Variants in ASTN2 observed in about 807,000 individuals in gnomAD.
The protein encoded by ASTN2 is astrotactin-2.
Under a neutral mutation model 139.8 loss-of-function variants are expected in ASTN2, and 54 were observed. That is an observed-to-expected ratio of 0.39 (90% CI 0.31 to 0.48). The LOEUF is 0.48. Ranked by LOEUF, ASTN2 falls within the 20% of genes least tolerant of loss-of-function variation. The pLI is 0.95. For synonymous variants in ASTN2, 756 were observed against 719.5 expected (o/e 1.05, Z -0.81); for missense variants, 1,565 against 1,725.1 (o/e 0.91, Z 1.64).
chr9:117,200,366 C>T (rs1165416732), intron 3 of ASTN2, among the ~76,000 whole-genome samples: 1 of 152,012 alleles, frequency 6.6e-6, no homozygotes, highest in Non-Finnish European at 1.5e-5. Flanking sequence ...CTTTCTCTTG[C>T]CTGATTGTCC....
chr9:116,681,672 CAG>C (rs1291734333), intron 16 of ASTN2, among the ~76,000 whole-genome samples: 2 of 152,140 alleles, frequency 1.3e-5, no homozygotes, highest in African/African-American at 4.8e-5. Context: ...GGTACCAAAA[CAG>C]AGATATAGAT....
In ASTN2 at chr9:116,687,678, C is replaced by T. The variant is rs1397738628; in HGVS notation, c.2807-35885G>A. ...CGGGAGGTATGAGGTAATGTCGGGGCCCTGAGGAGGAACGGGGTGTAGCAT... is the reference window on the plus strand; with the variant it reads ...CGGGAGGTATGAGGTAATGTCGGGGTCCTGAGGAGGAACGGGGTGTAGCAT... On this transcript the variant is annotated intron_variant, in intron 16 of 22. Transcript: ENST00000313400. Among the ~76,000 whole-genome samples the T allele has an allele frequency of 2.0e-5, 3 of 151,606 alleles. No individual in the cohort carries two copies. In the East Asian group the frequency reaches 5.9e-4, roughly 30 times the overall value.
intron 5 of ASTN2, among the ~76,000 whole-genome samples, chr9:117,057,949 C>A (rs1839110340): frequency 6.6e-6 from 1 of 152,130 alleles, no homozygotes; most frequent in Non-Finnish European, 1.5e-5. Flanking sequence ...GCACTCCCTC[C>A]CACCTCTCTT....
intron 1 of ASTN2, among the ~76,000 whole-genome samples, chr9:117,318,755 C>A (rs1034677673): frequency 1.3e-5 from 2 of 152,178 alleles, no homozygotes; most frequent in African/African-American, 4.8e-5. Context: ...CAAGCAGGTA[C>A]ACGTCTCAGT....
At chr9:116,881,547 T>A (rs986873398) in intron 10 of ASTN2, among the ~76,000 whole-genome samples, 2 of 152,314 alleles carry the variant, frequency 1.3e-5, no homozygotes, top group South Asian at 4.1e-4. Flanking sequence ...AAAACAAAAA[T>A]GATAAGCCAC....
At chr9:117,330,439 T>C (rs1310407889) in intron 1 of ASTN2, among the ~76,000 whole-genome samples, 1 of 152,178 alleles carries the variant, frequency 6.6e-6, no homozygotes, top group Non-Finnish European at 1.5e-5. Flanking sequence ...AGCATTGGTT[T>C]GTGATCTCCA....
intron 2 of ASTN2, among the ~76,000 whole-genome samples, chr9:117,289,664 A>G (rs1241397533): frequency 2.0e-5 from 3 of 152,288 alleles, no homozygotes; most frequent in Admixed American, 6.5e-5. Flanking sequence ...GCCTCTTCCT[A>G]ACATTAGATG....
intron 5 of ASTN2, 49 bp downstream of exon 5, chr9:117,095,995 A>G: frequency 1.3e-6 from 2 of 1,547,602 alleles, no homozygotes; most frequent in South Asian, 1.1e-5. Context: ...GATTTCCAGG[A>G]TTTCCTTCTA....
chr9:116,969,401 G>C (rs926484115), intron 10 of ASTN2, among the ~76,000 whole-genome samples: 1 of 152,168 alleles, frequency 6.6e-6, no homozygotes, highest in Non-Finnish European at 1.5e-5. Context: ...TTGGAACAGT[G>C]CCACCTAAGG....
chr9:116,578,106 T>G (rs888554458), intron 19 of ASTN2, among the ~76,000 whole-genome samples: 5 of 151,936 alleles, frequency 3.3e-5, no homozygotes, highest in Non-Finnish European at 7.4e-5. Context: ...AGAGAGGTAA[T>G]AGGGGAAGAA....
intron 4 of ASTN2, among the ~76,000 whole-genome samples, chr9:117,115,115 G>T (rs1356502047): frequency 6.6e-6 from 1 of 152,160 alleles, no homozygotes; most frequent in Non-Finnish European, 1.5e-5. Flanking sequence ...TAACCACAAA[G>T]CTTTGGGGTA....
intron 16 of ASTN2, among the ~76,000 whole-genome samples, chr9:116,656,319 C>A (rs1858208719): frequency 6.6e-6 from 1 of 152,162 alleles, no homozygotes; most frequent in Non-Finnish European, 1.5e-5. Flanking sequence ...AGTCAACATA[C>A]AACTTCTTCC....
chr9:117,130,931 G>A (rs145154134), intron 4 of ASTN2, among the ~76,000 whole-genome samples: 89 of 152,216 alleles, frequency 5.8e-4, no homozygotes, highest in African/African-American at 1.9e-3. Context: ...ATCTGCTAAC[G>A]GCCCAGGCAG....
At chr9:116,563,062 G>T (rs563449011) in intron 19 of ASTN2, among the ~76,000 whole-genome samples, 4 of 152,086 alleles carry the variant, frequency 2.6e-5, no homozygotes, top group South Asian at 2.1e-4. Flanking sequence ...GAGAAGGAGG[G>T]TCTAAAGATT....
At chr9:116,716,100 A>G (rs962257267) in intron 16 of ASTN2, among the ~76,000 whole-genome samples, 5 of 152,186 alleles carry the variant, frequency 3.3e-5, no homozygotes, top group African/African-American at 1.2e-4. Context: ...AAAGGGTCCT[A>G]TCTAACAATC....
chr9:117,222,699 C>G lies in ASTN2; in HGVS notation c.631-7957G>C, dbSNP rs183952259. On this transcript the variant is annotated intron_variant, in intron 2 of 22. Transcript: ENST00000313400. ...AACTTCAATGCATCTACTTTATGAA[C>G]TCCTAGGCTTTTCCCTTCCCCAGGT... Among the ~76,000 whole-genome samples, 6 of 152,294 alleles carry G rather than the reference C, an allele frequency of 3.9e-5. No homozygotes were observed. The East Asian group carries it at 1.2e-3, about 29-fold the overall frequency.
rs748651775 is a variant in ASTN2 at position 116,651,491 on chromosome 9, T to C, written c.3072+37A>G. The C allele has an allele frequency of 1.1e-5, 18 of 1,600,694 alleles. No individual in the cohort carries two copies. In the South Asian group the frequency reaches 1.3e-4, roughly 12 times the overall value. ...CAAGGGTAGGAGGTAGGAGGGCTGG[T>C]CAAGTTTGACTGAGTGGCTGGGCCA... On this transcript the variant is annotated intron_variant, in intron 17 of 22. Coordinates refer to ENST00000313400, the MANE Select transcript of ASTN2 (RefSeq NM_001365068.1).
intron 19 of ASTN2, among the ~76,000 whole-genome samples, chr9:116,508,632 AGAT>A (rs1244806196): frequency 6.6e-6 from 1 of 152,174 alleles, no homozygotes; most frequent in Non-Finnish European, 1.5e-5. Context: ...ACTTCAGCGC[AGAT>A]GATTTTAGTT....
At chr9:116,890,786 T>G (rs3849138) in intron 10 of ASTN2, among the ~76,000 whole-genome samples, 150,397 of 152,220 alleles carry the variant, frequency 0.99, 74,328 homozygotes, top group East Asian at 1. Flanking sequence ...GAAGTGACCT[T>G]TTCCAGGCTG....
Sources: gnomAD v4.1 joint callset for allele counts (sites outside exome capture counted in the v4.1 genomes callset) on GRCh38, gnomAD v4.1.1 for gene constraint, MANE v1.5 for transcripts, NCBI Gene and HGNC (gene_info 2026-07-23, HGNC 2026-07-21) for gene names.